Variants in TAF1 observed in about 807,000 individuals in gnomAD.
TAF1 encodes the protein transcription initiation factor TFIID subunit 1.
A neutral mutation model predicts 138.5 loss-of-function variants in TAF1; 2 were observed. That is an observed-to-expected ratio of 0.01 (90% confidence interval 0.01 to 0.05). The LOEUF (loss-of-function observed/expected upper bound fraction) is 0.05. Ranked by LOEUF, TAF1 falls within the 10% of genes least tolerant of loss-of-function variation. TAF1 has a pLI of 1.00. For missense variants in TAF1, 709 were observed against 1,478.0 expected (o/e 0.48, Z 8.53); for synonymous variants, 437 against 503.2 (o/e 0.87, Z 1.76).
At position 71,432,632 on chromosome X, in the gene TAF1, C is replaced by T. The variant is rs140673285; in HGVS notation, c.4753+8394C>T. Among the ~76,000 whole-genome samples, 5 of 108,478 alleles carry T rather than the reference C, an allele frequency of 4.6e-5. No individual in the cohort carries two copies. In the East Asian group the frequency reaches 1.1e-3, roughly 25 times the overall value. The allele number at this position is 108,478 out of a possible 115,157, so 94.2% of individuals were successfully genotyped here. ...ATTGAGATTTTGTTTTGTGGATGTG[C>T]TGGAAAGATTGGGAATTGAGGGTAT... On this transcript the variant is annotated intron_variant, in intron 32 of 37. Transcript: ENST00000423759.
At chrX:71,469,985 G>A (rs1385252029), downstream of TAF1, among the ~76,000 whole-genome samples, 2 of 111,969 alleles carry the variant, frequency 1.8e-5, no homozygotes, top group East Asian at 5.6e-4. Flanking sequence ...ACAGGCGTGA[G>A]CCACCGTGCC....
At chrX:71,416,319 G>A (rs1185165396) in intron 28 of TAF1, among the ~76,000 whole-genome samples, 47 of 94,123 alleles carry the variant, frequency 5.0e-4, no homozygotes, top group Non-Finnish European at 8.4e-4. Flanking sequence ...CTGGGAGATC[G>A]AGGCTGCAGT....
rs1198272127 is a variant in TAF1 at position 71,519,082 on chromosome X, G to T, written c.1367-9460G>T. ...TCATGCCTGTAATCCCAGCACTTTG[G>T]GAGGCCGAGGCAGACGGATCACGAG... On this transcript the variant is annotated intron_variant and NMD_transcript_variant, in intron 13 of 14. Coordinates refer to the TAF1 transcript ENST00000373775. 1.3e-4 allele frequency among the ~76,000 whole-genome samples: 14 copies of T among 108,740 alleles called. 1 individual carries two copies. The Admixed American group carries it at 1.4e-3, about 11-fold the overall frequency. The allele number at this position is 108,740 out of a possible 115,157, so 94.4% of individuals were successfully genotyped here.
chrX:71,395,810 T>C (rs902457449), intron 22 of TAF1, among the ~76,000 whole-genome samples: 2 of 111,466 alleles, frequency 1.8e-5, no homozygotes, highest in East Asian at 5.6e-4. Flanking sequence ...TCTGTATCAT[T>C]TGGGAATTAG....
intron 9 of TAF1, 90 bp from the exon 10 acceptor site, chrX:71,382,446 G>A: frequency 8.9e-7 from 1 of 1,124,478 alleles, no homozygotes; most frequent in Non-Finnish European, 1.2e-6. Context: ...TGGAACATCC[G>A]TCACCTTAAA....
At chrX:71,503,437 T>C (rs1445240521) in intron 13 of TAF1, among the ~76,000 whole-genome samples, 1 of 105,815 alleles carries the variant, frequency 9.5e-6, no homozygotes, top group Non-Finnish European at 1.9e-5. Context: ...TAGAATACAT[T>C]CCTTGAGGTA....
Position 71,376,853 on chromosome X carries a change from C to T in TAF1, c.473-97C>T, listed in dbSNP as rs1424601066. The T allele has an allele frequency of 4.5e-6, 5 of 1,108,623 alleles. No individual in the cohort carries two copies. The African/African-American group carries it at 9.2e-5, about 20-fold the overall frequency. 91.4% of individuals were successfully genotyped at this position (1,108,623 alleles called of 1,213,427 possible). A position where few individuals can be genotyped will look rare whatever the true frequency, so the allele number is the denominator to read the frequency against. ...GGGTGCTTGGGCCTATATCTCCTGG[C>T]ATTGAGCCATGTGTATAGCCTAAAG... On this transcript the variant is annotated intron_variant, in intron 4 of 37. Coordinates refer to ENST00000423759, the MANE Select transcript of TAF1 (RefSeq NM_004606.5).
chrX:71,463,854 G>C lies in TAF1; in HGVS notation c.5430G>C (p.Lys1810Asn). ...SYGSYEEPDP[K>N]SNTQDTSFSS... ...GGAGCTATGAGGAGCCTGATCCCAAGTCGAACACCCAAGACACAAGCTTCA... is the reference window on the plus strand; with the variant it reads ...GGAGCTATGAGGAGCCTGATCCCAACTCGAACACCCAAGACACAAGCTTCA... Residue 1810 changes from lysine (K) to asparagine (N), a missense_variant, in exon 38 of 38, where the codon AAG becomes AAC. Lys to Asn is a moderately conservative substitution (Grantham distance 94). This residue lies in a region of TAF1 where 123 missense variants were observed against 174.7 expected (regional missense o/e 0.70). Transcript: ENST00000423759. 1 of 1,210,964 alleles carries C rather than the reference G, an allele frequency of 8.3e-7. No homozygotes were observed. The highest frequency in any genetic ancestry group is 1.1e-6 in the Non-Finnish European group (1 of 895,446).
chrX:71,528,702 A>G (rs1368104261), exon 14 of TAF1: 1 of 331,084 alleles, frequency 3.0e-6, no homozygotes, highest in East Asian at 9.6e-5. Context: ...GCTGACTTCA[A>G]GAATGAAGCC....
chrX:71,517,643 A>C (rs2039848183), intron 13 of TAF1, among the ~76,000 whole-genome samples: 1 of 112,035 alleles, frequency 8.9e-6, no homozygotes, highest in African/African-American at 3.2e-5. Flanking sequence ...CTGGAAGAAG[A>C]CCTTTAGCCT....
chrX:71,483,151 C>CTTTTTTTTTTTTTTTTTTT (rs35875629), intron 13 of TAF1, among the ~76,000 whole-genome samples: 2 of 74,938 alleles, frequency 2.7e-5, no homozygotes, highest in Non-Finnish European at 5.1e-5. Context: ...TTTTTCTTTT[C>CTTTTTTTTTTTTTTTTTTT]TTTTTTTTTT....
chrX:71,481,748 G>A (rs1248660411), intron 13 of TAF1, among the ~76,000 whole-genome samples: 1 of 110,691 alleles, frequency 9.0e-6, no homozygotes, highest in Non-Finnish European at 1.9e-5. Context: ...TAGTAGAGGC[G>A]GGGTCTCACC....
chrX:71,422,053 C>G (rs1243695838), intron 29 of TAF1, among the ~76,000 whole-genome samples: 1 of 112,079 alleles, frequency 8.9e-6, no homozygotes, highest in African/African-American at 3.2e-5. Context: ...AAACTTTTTC[C>G]TACTAGAGTC....
chrX:71,477,899 C>T (rs58305366), intron 13 of TAF1, among the ~76,000 whole-genome samples: 147 of 110,273 alleles, frequency 1.3e-3, no homozygotes, highest in African/African-American at 4.8e-3. Context: ...GAGGCTAAGG[C>T]AGGAGACTCA....
chrX:71,508,086 C>CTCTCTATATA (rs4040068), intron 13 of TAF1, among the ~76,000 whole-genome samples: 78 of 92,177 alleles, frequency 8.5e-4, no homozygotes, highest in African/African-American at 2.5e-3. Flanking sequence ...CTCTCTCTCT[C>CTCTCTATATA]TATATATATA....
chrX:71,381,672 T>G (rs948602465), intron 8 of TAF1, 71 bp from the exon 9 acceptor site: 148 of 1,114,125 alleles, frequency 1.3e-4, no homozygotes, highest in Non-Finnish European at 1.7e-4. Context: ...CTTTTTATCT[T>G]TGCCAGAATC....
At chrX:71,423,272 T>C in intron 30 of TAF1, 33 bp downstream of exon 30, 1 of 1,210,402 alleles carries the variant, frequency 8.3e-7, no homozygotes, top group Non-Finnish European at 1.1e-6. Context: ...ACTGTGAGGA[T>C]CGTGCAGGGG....
chrX:71,372,227 T>C (rs918945537), intron 3 of TAF1, among the ~76,000 whole-genome samples: 13 of 108,819 alleles, frequency 1.2e-4, no homozygotes, highest in Middle Eastern at 9.4e-3. Context: ...AGGTCAGGAG[T>C]TCGAGTCCAG....
chrX:71,377,956 A>G (rs2033600345), intron 6 of TAF1, 135 bp downstream of exon 6: 1 of 825,687 alleles, frequency 1.2e-6, no homozygotes, highest in South Asian at 2.8e-5. Context: ...ATGAGTAATC[A>G]TGGGTTCAAT....
Sources: allele counts gnomAD v4.1 joint callset (sites outside exome capture counted in the v4.1 genomes callset), GRCh38; gene constraint gnomAD v4.1.1; regional missense constraint gnomAD v4.1.1; transcripts MANE v1.5; gene names NCBI Gene and HGNC (gene_info 2026-07-23, HGNC 2026-07-21).